Variants in ENOX1 observed in about 807,000 individuals in gnomAD.
ENOX1 encodes the protein ecto-NOX disulfide-thiol exchanger 1, also known as candidate growth-related and time keeping constitutive hydroquinone (NADH) oxidase.
ENOX1 carries 42 observed loss-of-function variants against 82.5 expected under a neutral mutation model. That is an observed-to-expected ratio of 0.51 (90% CI 0.40 to 0.66). ENOX1 has a LOEUF of 0.66. Ranked by LOEUF, ENOX1 falls within the 30% of genes least tolerant of loss-of-function variation. The pLI is 0.00. For synonymous variants in ENOX1, 271 were observed against 282.2 expected (o/e 0.96, Z 0.40); for missense variants, 608 against 811.6 (o/e 0.75, Z 3.05).
chr13:43,542,885 C>A (rs1343329005), intron 2 of ENOX1, among the ~76,000 whole-genome samples: 4 of 152,156 alleles, frequency 2.6e-5, no homozygotes, highest in African/African-American at 4.8e-5. Context: ...TCATAGACGG[C>A]TGTCTCCTTG....
At chr13:43,641,529 A>ATTTTTT (rs769737189) in intron 2 of ENOX1, among the ~76,000 whole-genome samples, 10,341 of 83,100 alleles carry the variant, frequency 0.12, 1,409 homozygotes, top group East Asian at 0.22. Flanking sequence ...TTAATTTTTA[A>ATTTTTT]TTTTTTTTTT....
intron 2 of ENOX1, among the ~76,000 whole-genome samples, chr13:43,651,226 AGAAGAGGAG>A (rs1365385088): frequency 1.3e-5 from 2 of 152,138 alleles, no homozygotes; most frequent in Non-Finnish European, 2.9e-5. Flanking sequence ...CTAAAAAGGA[AGAAGAGGAG>A]GAAGAAGAGG....
chr13:43,610,445 AT>A (rs2082150934), intron 2 of ENOX1, among the ~76,000 whole-genome samples: 1 of 152,196 alleles, frequency 6.6e-6, no homozygotes, highest in Admixed American at 6.6e-5. Flanking sequence ...TCAAAATGAT[AT>A]TTTTAAAGTA....
intron 1 of ENOX1, among the ~76,000 whole-genome samples, chr13:43,705,330 C>CTCTATATATATA (rs141765196): frequency 3.0e-4 from 39 of 129,850 alleles, no homozygotes; most frequent in African/African-American, 1.1e-3. Flanking sequence ...CTCTCTCTCT[C>CTCTATATATATA]TATATATATA....
At chr13:43,435,081 C>T (rs1212275532) in intron 3 of ENOX1, among the ~76,000 whole-genome samples, 1 of 151,204 alleles carries the variant, frequency 6.6e-6, no homozygotes, top group Non-Finnish European at 1.5e-5. Context: ...ACGGACTTGA[C>T]ATAGGGATTT....
At chr13:43,695,741 C>T (rs1328020804) in intron 1 of ENOX1, among the ~76,000 whole-genome samples, 1 of 152,184 alleles carries the variant, frequency 6.6e-6, no homozygotes, top group African/African-American at 2.4e-5. Context: ...AGCCACCGCA[C>T]CCGGCCTCAT....
intron 1 of ENOX1, among the ~76,000 whole-genome samples, chr13:43,707,084 AAT>A (rs1211077356): frequency 1.3e-5 from 2 of 152,200 alleles, no homozygotes; most frequent in Non-Finnish European, 2.9e-5. Flanking sequence ...ACAGAAAGTG[AAT>A]ATATGAAAAT....
intron 5 of ENOX1, among the ~76,000 whole-genome samples, chr13:43,378,205 T>C (rs74910860): frequency 0.062 from 9,456 of 152,210 alleles, 355 homozygotes; most frequent in South Asian, 0.1. Flanking sequence ...AGCCATATGA[T>C]TGCCCCAGCT....
intron 12 of ENOX1, among the ~76,000 whole-genome samples, chr13:43,295,666 C>G (rs2046246314): frequency 6.6e-6 from 1 of 152,148 alleles, no homozygotes; most frequent in Non-Finnish European, 1.5e-5. Context: ...CCCCTCCTCT[C>G]TCTGTCATCT....
chr13:43,376,347 T>C (rs1051201101), intron 5 of ENOX1, among the ~76,000 whole-genome samples: 2 of 152,358 alleles, frequency 1.3e-5, no homozygotes, highest in Non-Finnish European at 1.5e-5. Flanking sequence ...GTGTGTATTA[T>C]GGGAACTTAT....
rs373975899 is a variant in ENOX1, at chr13:43,669,024, T to A, written c.-284-1480A>T. 7.2e-5 allele frequency among the ~76,000 whole-genome samples: 11 copies of A among 152,172 alleles called. No individual in the cohort carries two copies. In the East Asian group the frequency reaches 7.7e-4, roughly 11 times the overall value. ...CACGTCTCTTCCCTTTCAACTATCC[T>A]ACAAGACAAGGAGGAATGGCAAACA... is the stretch of plus-strand genomic sequence containing the variant. On this transcript the variant is annotated intron_variant, in intron 1 of 16. Coordinates refer to ENST00000690772, the MANE Select transcript of ENOX1 (RefSeq NM_001347969.2).
At chr13:43,783,939 T>C (rs1952424231) in intron 1 of ENOX1, among the ~76,000 whole-genome samples, 1 of 152,192 alleles carries the variant, frequency 6.6e-6, no homozygotes, top group Admixed American at 6.5e-5. Flanking sequence ...AGCTACAGTG[T>C]GAGTATCAGG....
At chr13:43,593,966 A>G (rs1430220184) in intron 2 of ENOX1, among the ~76,000 whole-genome samples, 2 of 152,166 alleles carry the variant, frequency 1.3e-5, no homozygotes, top group Non-Finnish European at 1.5e-5. Context: ...CTACAAGGTC[A>G]GGGAGATGTG....
At position 43,605,279 on chromosome 13, in the gene ENOX1, T is replaced by C. The variant is rs369807886; in HGVS notation, c.-219+62200A>G. 7.0e-4 allele frequency among the ~76,000 whole-genome samples: 106 copies of C among 152,144 alleles called. 1 individual carries two copies. The South Asian group carries it at 0.019, about 28-fold the overall frequency. The stretch of plus-strand genomic sequence containing the variant: ...AATGTAATCCCTGTCAAAATACCAA[T>C]GACATTCTTCACAAAAATAGGAAAA... On this transcript the variant is annotated intron_variant, in intron 2 of 16. Transcript: ENST00000690772.
chr13:43,219,687 A>ATTTATTT (rs1306617481), intron 16 of ENOX1, among the ~76,000 whole-genome samples: 1 of 152,196 alleles, frequency 6.6e-6, no homozygotes, highest in Non-Finnish European at 1.5e-5. Flanking sequence ...AATCTGCTTG[A>ATTTATTT]TTTATTTTTT....
rs1231029196 is a variant in ENOX1 at position 43,506,601 on chromosome 13, G to A, written c.-218-22449C>T. Among the ~76,000 whole-genome samples the A allele has an allele frequency of 9.7e-5, 13 of 133,406 alleles. 3 individuals carry two copies. The highest frequency in any genetic ancestry group is 1.4e-4 in the Non-Finnish European group (8 of 58,774). The allele number at this position is 133,406 out of a possible 152,430, so 87.5% of individuals were successfully genotyped here. On this transcript the variant is annotated intron_variant, in intron 2 of 16. Transcript: ENST00000690772. ...GGAACCAACCCAAATGTCCAACAAC[G>A]ATAGACTGGATTAAGAAAATGTGGC...
intron 3 of ENOX1, among the ~76,000 whole-genome samples, chr13:43,426,270 A>G (rs570033416): frequency 6.6e-6 from 1 of 152,336 alleles, no homozygotes; most frequent in East Asian, 1.9e-4. Flanking sequence ...AGAGAGAAAA[A>G]TATCTGGCTC....
chr13:43,683,747 T>C (rs1170529353), intron 1 of ENOX1, among the ~76,000 whole-genome samples: 1 of 151,996 alleles, frequency 6.6e-6, no homozygotes, highest in East Asian at 1.9e-4. Context: ...TGTTCTACCG[T>C]GTAGTTGAAT....
Position 43,340,405 on chromosome 13 carries a change from C to G in ENOX1, c.1036+4133G>C, listed in dbSNP as rs145715243. ...CATTGCTGGGATGTGTACACCGTGGCCAGCACTGTAGGATTTTCACAATCT... is the reference window on the plus strand; with the variant it reads ...CATTGCTGGGATGTGTACACCGTGGGCAGCACTGTAGGATTTTCACAATCT... On this transcript the variant is annotated intron_variant, in intron 9 of 16. Coordinates refer to ENST00000690772, the MANE Select transcript of ENOX1 (RefSeq NM_001347969.2). Among the ~76,000 whole-genome samples the G allele has an allele frequency of 2.0e-3, 305 of 152,320 alleles. 1 individual carries two copies. Among genetic ancestry groups the G allele is most frequent in the African/African-American group, 7.0e-3 (293 of 41,574 alleles).
Sources: gnomAD v4.1 joint callset for allele counts (sites outside exome capture counted in the v4.1 genomes callset) on GRCh38, gnomAD v4.1.1 for gene constraint, MANE v1.5 for transcripts, NCBI Gene and HGNC (gene_info 2026-07-23, HGNC 2026-07-21) for gene names.